The following EXOC2 variants were observed in gnomAD, a reference collection of about 807,000 sequenced individuals.
EXOC2 encodes the protein SEC5-like 1.
In EXOC2, 70 loss-of-function variants were observed where a neutral mutation model predicts 131.8. That is an observed-to-expected ratio of 0.53 (90% CI 0.44 to 0.65). The LOEUF is 0.65. Among genes scored for constraint, EXOC2 ranks in the 30% least tolerant of loss-of-function variants. The pLI, the probability that EXOC2 is intolerant of heterozygous loss-of-function variation, is 0.00. For synonymous variants in EXOC2, 411 were observed against 398.4 expected, an observed-to-expected ratio of 1.03 and a Z score of -0.38; for missense variants, 923 against 1,108.6, an observed-to-expected ratio of 0.83 and a Z score of 2.38.
chr6:658,885 C>T (rs1202928328), intron 1 of EXOC2, among the ~76,000 whole-genome samples: 3 of 151,988 alleles, frequency 2.0e-5, no homozygotes, highest in Non-Finnish European at 2.9e-5. Context: ...TGGTCTCGAA[C>T]TCCTGATCTC....
intron 4 of EXOC2, among the ~76,000 whole-genome samples, chr6:626,115 C>T (rs775264651): frequency 1.3e-5 from 2 of 152,230 alleles, no homozygotes; most frequent in Non-Finnish European, 1.5e-5. Context: ...CAACTGCCAT[C>T]GTAAAGCAGA....
chr6:562,476 G>A (rs1039946211), intron 17 of EXOC2, among the ~76,000 whole-genome samples: 8 of 152,144 alleles, frequency 5.3e-5, no homozygotes, highest in Non-Finnish European at 1.0e-4. Context: ...CCTGCTTTCC[G>A]GAAAAGCTCA....
chr6:687,154 C>G (rs1764693326), intron 1 of EXOC2, among the ~76,000 whole-genome samples: 1 of 135,398 alleles, frequency 7.4e-6, no homozygotes, highest in South Asian at 2.5e-4. Context: ...TTGAAGAAGT[C>G]ATTATCAAAT....
intron 22 of EXOC2, among the ~76,000 whole-genome samples, chr6:539,091 A>G (rs1581393434): frequency 1.3e-5 from 2 of 151,534 alleles, no homozygotes; most frequent in East Asian, 3.9e-4. Flanking sequence ...AAAAAAGAAA[A>G]TATCATAAGT....
chr6:685,869 CTT>C (rs58892194), intron 1 of EXOC2, among the ~76,000 whole-genome samples: 34 of 98,256 alleles, frequency 3.5e-4, no homozygotes, highest in Admixed American at 2.0e-3. Flanking sequence ...TCCTGGACCT[CTT>C]TTTTTTTTTT....
At chr6:565,005 C>T in intron 13 of EXOC2, 76 bp from the exon 14 acceptor site, 3 of 1,113,410 alleles carry the variant, frequency 2.7e-6, no homozygotes, top group Non-Finnish European at 3.8e-6. Context: ...ACTTGTACAT[C>T]AAGAGAACAT....
In EXOC2 at chr6:572,544, G is replaced by A. The variant is rs745506514; in HGVS notation, c.1419C>T (p.Tyr473=). The A allele has an allele frequency of 1.6e-5, 26 of 1,614,082 alleles. No homozygotes were observed. Among genetic ancestry groups the A allele is most frequent in the Admixed American group, 3.3e-5 (2 of 60,014 alleles). Residue 473 remains tyrosine, a synonymous_variant, in exon 13 of 28, where the codon TAC becomes TAT. Coordinates refer to ENST00000230449, the MANE Select transcript of EXOC2 (RefSeq NM_018303.6). ...LPNFWKLWIS[Y]VNGSLFSETA... ...CCTCACTGAAGAGGCTTCCATTAACGTAGGAGATCCAGAGTTTCCAGAAGT... is the reference window on the plus strand; with the variant it reads ...CCTCACTGAAGAGGCTTCCATTAACATAGGAGATCCAGAGTTTCCAGAAGT...
intron 1 of EXOC2, among the ~76,000 whole-genome samples, chr6:654,176 A>C (rs1299460271): frequency 6.6e-6 from 1 of 152,216 alleles, no homozygotes; most frequent in Non-Finnish European, 1.5e-5. Context: ...ATGACTGCTA[A>C]CACAATATCC....
chr6:499,530 C>A, intron 24 of EXOC2, 115 bp downstream of exon 24: 1 of 811,422 alleles, frequency 1.2e-6, no homozygotes, highest in Admixed American at 2.2e-5. Flanking sequence ...TATTTATACC[C>A]AAGACACATT....
chr6:661,775 AT>A (rs1040553595), intron 1 of EXOC2, among the ~76,000 whole-genome samples: 3 of 152,252 alleles, frequency 2.0e-5, no homozygotes, highest in African/African-American at 7.2e-5. Flanking sequence ...CAAAAAGAGC[AT>A]GATGAAAGCA....
Position 656,726 on chromosome 6 carries a change from T to C in EXOC2, c.-43-18865A>G, listed in dbSNP as rs144343162. 1.4e-4 allele frequency: 229 copies of C among 1,596,346 alleles called. No individual in the cohort carries two copies. Among genetic ancestry groups the C allele is most frequent in the Non-Finnish European group, 1.9e-4 (218 of 1,170,148 alleles). ...GCTCCAGGTGGATCTCATCGAGATCTTCCGAGACACCTTCCATGCGAAACT... is the reference window on the plus strand; with the variant it reads ...GCTCCAGGTGGATCTCATCGAGATCCTCCGAGACACCTTCCATGCGAAACT... On this transcript the variant is annotated intron_variant, in intron 1 of 27. Transcript: ENST00000230449.
intron 16 of EXOC2, 117 bp from the exon 17 acceptor site, chr6:562,962 C>A: frequency 3.3e-6 from 2 of 602,486 alleles, no homozygotes; most frequent in Non-Finnish European, 2.6e-6. Flanking sequence ...TGTAAAAACT[C>A]GATGAAAGTA....
intron 1 of EXOC2, among the ~76,000 whole-genome samples, chr6:643,408 A>G (rs1762442375): frequency 6.6e-6 from 1 of 152,194 alleles, no homozygotes; most frequent in African/African-American, 2.4e-5. Flanking sequence ...GAAACACAAT[A>G]TCCAGAAAAG....
chr6:494,473 C>CTACACAACAGACAAATCTCGA (rs1243813183), intron 25 of EXOC2, among the ~76,000 whole-genome samples: 24 of 150,724 alleles, frequency 1.6e-4, no homozygotes, highest in Middle Eastern at 6.8e-3. Flanking sequence ...AATGTACATA[C>CTACACAACAGACAAATCTCGA]TACACAACAG....
intron 23 of EXOC2, among the ~76,000 whole-genome samples, chr6:531,464 T>G (rs1766081767): frequency 1.3e-5 from 2 of 152,198 alleles, no homozygotes; most frequent in Non-Finnish European, 2.9e-5. Flanking sequence ...CTGCCATGAC[T>G]GTGAGCTCAG....
intron 1 of EXOC2, among the ~76,000 whole-genome samples, chr6:664,425 T>C (rs1173652286): frequency 6.6e-6 from 1 of 152,090 alleles, no homozygotes; most frequent in Non-Finnish European, 1.5e-5. Context: ...CTACACAAAA[T>C]TAGAAAAAGC....
chr6:502,934 C>T (rs570373446), intron 23 of EXOC2, among the ~76,000 whole-genome samples: 4 of 152,056 alleles, frequency 2.6e-5, no homozygotes, highest in Non-Finnish European at 4.4e-5. Context: ...GAAGTGGTAC[C>T]GCTAGTCAAA....
chr6:533,906 C>T (rs1766262264), intron 22 of EXOC2, among the ~76,000 whole-genome samples: 1 of 152,190 alleles, frequency 6.6e-6, no homozygotes, highest in African/African-American at 2.4e-5. Flanking sequence ...AGGGAGTCCG[C>T]TGCTATGCAC....
At chr6:652,874 C>A (rs192503221) in intron 1 of EXOC2, among the ~76,000 whole-genome samples, 1 of 152,312 alleles carries the variant, frequency 6.6e-6, no homozygotes, top group Admixed American at 6.5e-5. Context: ...TTTGTGACAA[C>A]CCTGCATCAA....
Sources: gnomAD v4.1 joint callset for allele counts (sites outside exome capture counted in the v4.1 genomes callset) on GRCh38, gnomAD v4.1.1 for gene constraint, MANE v1.5 for transcripts, NCBI Gene and HGNC (gene_info 2026-07-23, HGNC 2026-07-21) for gene names.